NOL4L: variants seen among roughly 807,000 people sequenced by gnomAD.
The protein encoded by NOL4L is nucleolar protein 4 like, also known as nucleolar protein 4-like.
NOL4L carries 7 observed loss-of-function variants against 64.5 expected under a neutral mutation model. The ratio of observed to expected loss-of-function variants is 0.11; its 90% CI spans 0.06 to 0.20. The LOEUF is 0.20. Ranked by LOEUF, NOL4L falls within the 10% of genes least tolerant of loss-of-function variation. The pLI is 1.00. For synonymous variants in NOL4L, 413 were observed against 401.0 expected (o/e 1.03, Z -0.36); for missense variants, 680 against 967.1 (o/e 0.70, Z 3.94).
chr20:32,483,478 G>C, intron 4 of NOL4L: 4 of 990,370 alleles, frequency 4.0e-6, no homozygotes, highest in Non-Finnish European at 3.6e-6. Context: ...GCGGCTGCCC[G>C]GGGAGAGGGG....
At chr20:32,562,402 G>C (rs1406898017) in intron 1 of NOL4L, among the ~76,000 whole-genome samples, 1 of 152,140 alleles carries the variant, frequency 6.6e-6, no homozygotes, top group Admixed American at 6.5e-5. Flanking sequence ...TAAAATCCAG[G>C]CTGATTTGCT....
At chr20:32,584,133 G>GCGCGCA (rs1555811186) in intron 1 of NOL4L, among the ~76,000 whole-genome samples, 12 of 88,800 alleles carry the variant, frequency 1.4e-4, no homozygotes, top group Non-Finnish European at 2.3e-4. Context: ...CTCCGCGCGC[G>GCGCGCA]CACACACACA....
At chr20:32,524,072 C>T (rs1050197374) in intron 2 of NOL4L, among the ~76,000 whole-genome samples, 1 of 152,172 alleles carries the variant, frequency 6.6e-6, no homozygotes, top group African/African-American at 2.4e-5. Context: ...CTGTGGAACC[C>T]GATCTGACCT....
chr20:32,574,135 G>A (rs1285975530), intron 1 of NOL4L, among the ~76,000 whole-genome samples: 1 of 152,228 alleles, frequency 6.6e-6, no homozygotes, highest in African/African-American at 2.4e-5. Context: ...CCACACAGCT[G>A]TTGCCAGAGT....
chr20:32,488,803 CTTTTTCTTTCTTTCTTTCTTTCT>C (rs1280827154), intron 4 of NOL4L, among the ~76,000 whole-genome samples: 3 of 58,128 alleles, frequency 5.2e-5, no homozygotes, highest in African/African-American at 9.4e-5. Context: ...TTCTTTCTTT[CTTTTTCTTTCTTTCTTTCTTTCT>C]TTTTCTTTCT....
rs1568647116 is a variant in NOL4L, at chr20:32,488,737, CTTT to C, written c.700-13998_700-13996del. On this transcript the variant is annotated intron_variant, in intron 4 of 10. Coordinates refer to ENST00000621426, the MANE Select transcript of NOL4L (RefSeq NM_001256798.2). ...GTATTTCTTTTTCTTTCTTTCTTTT[CTTT>C]CTTTCTTTTCCTTCCTTCCTTCCTT... 8.0e-5 allele frequency among the ~76,000 whole-genome samples: 12 copies of C among 150,720 alleles called. No homozygotes were observed. The South Asian group carries it at 1.3e-3, about 16-fold the overall frequency.
rs2015248469 is a variant in NOL4L, at chr20:32,474,482, C to A, written c.841+119G>T. 3.0e-5 allele frequency: 38 copies of A among 1,280,894 alleles called. No homozygotes were observed. The South Asian group carries it at 5.9e-4, about 20-fold the overall frequency. 79.3% of individuals were successfully genotyped at this position (1,280,894 alleles called of 1,614,324 possible). A position where few individuals can be genotyped will look rare whatever the true frequency, so the allele number is the denominator to read the frequency against. Reference sequence around the variant, plus strand: ...CAGTGCAAGCTTGGGCCTGAGCCACCCAAAGGCCTTGGCCCAGATTCCGCC... The same window carrying A: ...CAGTGCAAGCTTGGGCCTGAGCCACACAAAGGCCTTGGCCCAGATTCCGCC... On this transcript the variant is annotated intron_variant, in intron 5 of 10. Transcript: ENST00000621426.
At chr20:32,488,862 T>C (rs890596426) in intron 4 of NOL4L, among the ~76,000 whole-genome samples, 6 of 104,200 alleles carry the variant, frequency 5.8e-5, no homozygotes, top group South Asian at 2.9e-4. Flanking sequence ...TTTCTTTCTT[T>C]CTTTCTTTCT....
intron 5 of NOL4L, among the ~76,000 whole-genome samples, chr20:32,457,055 G>T (rs1378720966): frequency 6.6e-6 from 1 of 152,220 alleles, no homozygotes; most frequent in African/African-American, 2.4e-5. Context: ...GCAAGGTCTG[G>T]GGTCTGCACG....
intron 10 of NOL4L, among the ~76,000 whole-genome samples, chr20:32,448,843 C>G (rs2012580001): frequency 6.6e-6 from 1 of 152,214 alleles, no homozygotes; most frequent in Non-Finnish European, 1.5e-5. Context: ...AGTGTGGATT[C>G]AAGTCCTGCT....
chr20:32,495,331 C>T (rs975678714), intron 4 of NOL4L, among the ~76,000 whole-genome samples: 48 of 152,298 alleles, frequency 3.2e-4, no homozygotes, highest in Middle Eastern at 3.4e-3. Flanking sequence ...TCATATCTGT[C>T]GAGGAGGCTG....
chr20:32,527,784 C>G lies in NOL4L; in HGVS notation c.451G>C (p.Ala151Pro). ...SAEPGKAPKH[A>P]GQKKTYRAIA... Reference sequence around the variant, plus strand: ...GCTCGGTAGGTTTTCTTCTGCCCAGCGTGCTTGGGGGCTTTGCCTGGCTCC... The same window carrying G: ...GCTCGGTAGGTTTTCTTCTGCCCAGGGTGCTTGGGGGCTTTGCCTGGCTCC... The change falls in exon 2 of 11, where the codon GCT (alanine) becomes CCT (proline). Residue 151 changes from alanine to proline, a missense_variant. Ala to Pro is a conservative substitution (Grantham distance 27, BLOSUM62 -1). This residue lies in a region of NOL4L where 181 missense variants were observed against 335.2 expected (regional missense o/e 0.54). Coordinates refer to ENST00000621426, the MANE Select transcript of NOL4L (RefSeq NM_001256798.2). 6.5e-7 allele frequency: 1 copy of G among 1,549,924 alleles called. No individual in the cohort carries two copies. The highest frequency in any genetic ancestry group is 8.7e-7 in the Non-Finnish European group (1 of 1,146,498).
At chr20:32,550,402 T>C (rs1415095249) in intron 1 of NOL4L, among the ~76,000 whole-genome samples, 1 of 152,194 alleles carries the variant, frequency 6.6e-6, no homozygotes, top group African/African-American at 2.4e-5. Context: ...CCGGCCAATA[T>C]TTGTATATCT....
At chr20:32,483,563 G>A in intron 4 of NOL4L, 1 of 973,626 alleles carries the variant, frequency 1.0e-6, no homozygotes, top group Non-Finnish European at 1.2e-6. Context: ...GCGAGCAGCG[G>A]CGGCAGCGGC....
At chr20:32,507,690 T>A (rs2017189881) in intron 4 of NOL4L, among the ~76,000 whole-genome samples, 2 of 152,202 alleles carry the variant, frequency 1.3e-5, no homozygotes, top group African/African-American at 4.8e-5. Context: ...AGTTTTCAGA[T>A]ATAGAGCTTT....
chr20:32,525,841 T>A (rs1025040806), intron 2 of NOL4L, among the ~76,000 whole-genome samples: 1 of 152,148 alleles, frequency 6.6e-6, no homozygotes, highest in Admixed American at 6.5e-5. Flanking sequence ...CACTGCAACC[T>A]CTGTTTCCTG....
In NOL4L at chr20:32,464,579, G is replaced by A. The variant is rs550712087; in HGVS notation, c.842-8184C>T. ...CAGTTCCTCTACCCCCACAGCATGC[G>A]CCTCCTCTGCGTGTGCCCCTCAGTG... is the stretch of plus-strand genomic sequence containing the variant. On this transcript the variant is annotated intron_variant, in intron 5 of 10. Transcript: ENST00000621426. The surrounding 1 kb of genome is among the most constrained non-coding windows in gnomAD (Gnocchi z 5.6). Among the ~76,000 whole-genome samples, 13 of 152,276 alleles carry A rather than the reference G, an allele frequency of 8.5e-5. No individual in the cohort carries two copies. The South Asian group carries it at 1.2e-3, about 15-fold the overall frequency.
intron 1 of NOL4L, chr20:32,548,955 T>C (rs1372788655): frequency 3.8e-6 from 1 of 264,550 alleles, no homozygotes; most frequent in East Asian, 1.3e-4. Context: ...ACAGATTTAC[T>C]GTTTAGTGGG....
chr20:32,490,140 A>AT lies in NOL4L; in HGVS notation c.700-15399_700-15398insA, dbSNP rs1568651217. Among the ~76,000 whole-genome samples the AT allele has an allele frequency of 2.6e-3, 374 of 144,508 alleles. 6 individuals carry two copies. The highest frequency in any genetic ancestry group is 9.3e-3 in the African/African-American group (345 of 36,934). The allele number at this position is 144,508 out of a possible 152,430, so 94.8% of individuals were successfully genotyped here. ...AGAGACTCCATCTCAAAAAAAAAAAAAAAAATATATATACACATATATATA... is the reference window on the plus strand; with the variant it reads ...AGAGACTCCATCTCAAAAAAAAAAAATAAAAATATATATACACATATATATA... On this transcript the variant is annotated intron_variant, in intron 4 of 10. Coordinates refer to ENST00000621426, the MANE Select transcript of NOL4L (RefSeq NM_001256798.2).
Sources: allele counts gnomAD v4.1 joint callset (sites outside exome capture counted in the v4.1 genomes callset), GRCh38; gene constraint gnomAD v4.1.1; regional missense constraint gnomAD v4.1.1; non-coding constraint Gnocchi (gnomAD v3.1); transcripts MANE v1.5; gene names NCBI Gene and HGNC (gene_info 2026-07-23, HGNC 2026-07-21).